Variants in PTPN21 observed in about 807,000 individuals in gnomAD.
PTPN21 encodes tyrosine-protein phosphatase non-receptor type 21.
Under a neutral mutation model 131.8 loss-of-function variants are expected in PTPN21, and 77 were observed. That is an observed-to-expected ratio of 0.58 (90% CI 0.49 to 0.71). PTPN21 has a LOEUF of 0.71. Among genes scored for constraint, PTPN21 ranks in the 30% least tolerant of loss-of-function variants. The pLI, the probability that PTPN21 is intolerant of heterozygous loss-of-function variation, is 0.00. For missense variants in PTPN21, 1,552 were observed against 1,527.1 expected (o/e 1.02, Z -0.27); for synonymous variants, 715 against 621.3 (o/e 1.15, Z -2.24).
chr14:88,519,157 G>C (rs746284518), intron 2 of PTPN21, among the ~76,000 whole-genome samples: 8 of 152,132 alleles, frequency 5.3e-5, no homozygotes, highest in Non-Finnish European at 1.2e-4. Flanking sequence ...ACTAGCCCTG[G>C]GCCTGGTCAA....
chr14:88,475,123 T>C (rs2077531406), intron 13 of PTPN21, among the ~76,000 whole-genome samples: 1 of 151,952 alleles, frequency 6.6e-6, no homozygotes, highest in Non-Finnish European at 1.5e-5. Flanking sequence ...TTTCGTTGGA[T>C]ATACTACACT....
At chr14:88,527,973 G>T (rs962439967) in intron 2 of PTPN21, among the ~76,000 whole-genome samples, 12 of 152,028 alleles carry the variant, frequency 7.9e-5, no homozygotes, top group Non-Finnish European at 7.4e-5. Flanking sequence ...TGGGTATTTG[G>T]CTTTATTTCT....
At chr14:88,490,967 G>C (rs1303399263) in intron 10 of PTPN21, among the ~76,000 whole-genome samples, 1 of 152,094 alleles carries the variant, frequency 6.6e-6, no homozygotes, top group Non-Finnish European at 1.5e-5. Context: ...AATCAGGGAG[G>C]GTGCTTACAG....
chr14:88,493,019 C>T (rs1337220113), intron 10 of PTPN21: 3 of 451,274 alleles, frequency 6.6e-6, no homozygotes, highest in Admixed American at 4.9e-5. Context: ...CTCTAACAGG[C>T]TAGCACAGCG....
In PTPN21 at chr14:88,468,129, G is replaced by T. The variant is rs1369453284; in HGVS notation, c.*8C>A. 6.2e-7 allele frequency: 1 copy of T among 1,613,848 alleles called. No homozygotes were observed. The highest frequency in any genetic ancestry group is 8.5e-7 in the Non-Finnish European group (1 of 1,179,788). Reference sequence around the variant, plus strand: ...CACATGACTGGCCCCGTAAGAAATTGTGGGAGCTTAGATGAGCCTGGAGCT... The same window carrying T: ...CACATGACTGGCCCCGTAAGAAATTTTGGGAGCTTAGATGAGCCTGGAGCT... On this transcript the variant is annotated 3_prime_UTR_variant, in exon 19 of 19. Transcript: ENST00000556564.
chr14:88,484,714 C>A (rs1338855782), intron 12 of PTPN21, among the ~76,000 whole-genome samples: 1 of 152,008 alleles, frequency 6.6e-6, no homozygotes, highest in Non-Finnish European at 1.5e-5. Flanking sequence ...CATGGTGAAA[C>A]CCCATGTCTA....
At chr14:88,472,964 C>T (rs1337933534) in intron 14 of PTPN21, among the ~76,000 whole-genome samples, 1 of 152,094 alleles carries the variant, frequency 6.6e-6, no homozygotes, top group East Asian at 1.9e-4. Flanking sequence ...ATAATGCAAA[C>T]TTTTGTTTAA....
rs1195356219 is a variant in PTPN21 at position 88,506,759 on chromosome 14, T to C, written c.448+1164A>G. On this transcript the variant is annotated intron_variant, in intron 4 of 18. Transcript: ENST00000556564. ...ACTAAAGAACTTATTCATGTAACCATAGCCAGCCACGGTGGCTCACATCTA... is the reference window on the plus strand; with the variant it reads ...ACTAAAGAACTTATTCATGTAACCACAGCCAGCCACGGTGGCTCACATCTA... Among the ~76,000 whole-genome samples the C allele has an allele frequency of 3.9e-5, 6 of 152,028 alleles. No individual in the cohort carries two copies. The East Asian group carries it at 1.2e-3, about 29-fold the overall frequency.
chr14:88,554,885 C>T lies in PTPN21; in HGVS notation c.-437G>A, dbSNP rs1248361403. Among the ~76,000 whole-genome samples the T allele has an allele frequency of 6.6e-6, 1 of 151,628 alleles. No homozygotes were observed. The highest frequency in any genetic ancestry group is 1.5e-5 in the Non-Finnish European group (1 of 67,840). On this transcript the variant is annotated 5_prime_UTR_variant, in exon 1 of 19. Transcript: ENST00000556564. Reference sequence around the variant, plus strand: ...GAGGGGCGAGGCCTGGAGGTGGGACCGGCCGGCGAGGAGCGCCGCACAAAG... The same window carrying T: ...GAGGGGCGAGGCCTGGAGGTGGGACTGGCCGGCGAGGAGCGCCGCACAAAG...
intron 2 of PTPN21, among the ~76,000 whole-genome samples, chr14:88,521,911 A>C (rs2078400245): frequency 6.6e-6 from 1 of 152,328 alleles, no homozygotes; most frequent in East Asian, 1.9e-4. Context: ...ACAGCTGAAC[A>C]ATCTGCTAGC....
chr14:88,512,512 G>T (rs1229691133), intron 3 of PTPN21: 2 of 152,132 alleles, frequency 1.3e-5, no homozygotes, highest in Non-Finnish European at 2.9e-5. Context: ...AGAATTTCCT[G>T]CCTTCTGGAC....
intron 2 of PTPN21, among the ~76,000 whole-genome samples, chr14:88,541,623 C>G (rs762881016): frequency 3.9e-5 from 6 of 152,140 alleles, no homozygotes; most frequent in Non-Finnish European, 7.3e-5. Flanking sequence ...CTCATGACCT[C>G]CCCTCTGTCC....
Position 88,479,584 on chromosome 14 carries a change from G to C in PTPN21, c.1847C>G (p.Ser616Trp), listed in dbSNP as rs1156765221. ...GAGGGGCTCGCTGACCTCCTGCAGC[G>C]AGTGCGCCACGGGCAGGCTGTCCTC... ...FQEDSLPVAH[S>W]LQEVSEPLTA... Residue 616 changes from serine to tryptophan, a missense_variant, in exon 13 of 19, where the codon TCG (serine) becomes TGG (tryptophan). Physicochemically the swap from Ser to Trp is radical, Grantham distance 177 (BLOSUM62 -3). Coordinates refer to ENST00000556564, the MANE Select transcript of PTPN21 (RefSeq NM_007039.4). 1.3e-5 allele frequency: 21 copies of C among 1,593,148 alleles called. No homozygotes were observed. The highest frequency in any genetic ancestry group is 1.7e-5 in the Non-Finnish European group (20 of 1,175,788).
At chr14:88,502,681 C>T (rs1266054725) in intron 6 of PTPN21, among the ~76,000 whole-genome samples, 1 of 152,166 alleles carries the variant, frequency 6.6e-6, no homozygotes, top group Admixed American at 6.5e-5. Context: ...AAAGGCAGGA[C>T]AATGTGTGCC....
chr14:88,518,255 A>AAAAAAAATATATATAT (rs1566839513), intron 2 of PTPN21, among the ~76,000 whole-genome samples: 1 of 18,666 alleles, frequency 5.4e-5, no homozygotes, highest in African/African-American at 2.2e-4. Flanking sequence ...AAAAAAAAAA[A>AAAAAAAATATATATAT]ATATATATAT....
At chr14:88,502,595 T>C (rs2140133230) in intron 6 of PTPN21, among the ~76,000 whole-genome samples, 1 of 152,340 alleles carries the variant, frequency 6.6e-6, no homozygotes, top group South Asian at 2.1e-4. Context: ...TCCAGCACTC[T>C]TCCTCTGCTT....
chr14:88,479,175 G>A lies in PTPN21; in HGVS notation c.2256C>T (p.Ala752=), dbSNP rs1469475046. Residue 752 remains alanine (A), a synonymous_variant, in exon 13 of 19, where the codon GCC becomes GCT. Transcript: ENST00000556564. ...TGGGCTCCAGGATGTGCAGGGGCCC[G>A]GCGAGCAGGACGCGAGGGCAGCCAG... is the stretch of plus-strand genomic sequence containing the variant. The part of the protein sequence containing the change: ...DPPGCPRVLL[A]GPLHILEPKA... 1 of 1,554,280 alleles carries A rather than the reference G, an allele frequency of 6.4e-7. No homozygotes were observed. The highest frequency in any genetic ancestry group is 8.7e-7 in the Non-Finnish European group (1 of 1,153,672).
chr14:88,531,320 A>G (rs1355308439), intron 2 of PTPN21, among the ~76,000 whole-genome samples: 1 of 152,206 alleles, frequency 6.6e-6, no homozygotes, highest in Non-Finnish European at 1.5e-5. Context: ...ACATTTTGGG[A>G]GGCTGAGGCT....
At chr14:88,516,314 A>G (rs924294317) in intron 3 of PTPN21, among the ~76,000 whole-genome samples, 1 of 152,092 alleles carries the variant, frequency 6.6e-6, no homozygotes, top group South Asian at 2.1e-4. Context: ...CATGTGAGAG[A>G]AAGATCTAGG....
Sources: allele counts gnomAD v4.1 joint callset (sites outside exome capture counted in the v4.1 genomes callset), GRCh38; gene constraint gnomAD v4.1.1; transcripts MANE v1.5; gene names NCBI Gene and HGNC (gene_info 2026-07-23, HGNC 2026-07-21).